PDE9A: variants seen among roughly 807,000 people sequenced by gnomAD.
PDE9A encodes high affinity cGMP-specific 3',5'-cyclic phosphodiesterase 9A.
PDE9A carries 60 observed loss-of-function variants against 87.4 expected under a neutral mutation model. That is an observed-to-expected ratio of 0.69 (90% CI 0.56 to 0.85). The LOEUF is 0.85. Ranked by LOEUF, PDE9A falls within the 40% of genes least tolerant of loss-of-function variation. The pLI, the probability that PDE9A is intolerant of heterozygous loss-of-function variation, is 0.00. For missense variants in PDE9A, 665 were observed against 779.0 expected (o/e 0.85, Z 1.74); for synonymous variants, 272 against 279.4 (o/e 0.97, Z 0.27).
rs1028324963 is a variant in PDE9A, at chr21:42,758,900, G to T, written c.811-99G>T. 7 of 863,548 alleles carry T rather than the reference G, an allele frequency of 8.1e-6. No homozygotes were observed. The South Asian group carries it at 8.8e-5, about 11-fold the overall frequency. The allele number at this position is 863,548 out of a possible 1,614,324, so 53.5% of individuals were successfully genotyped here. On this transcript the variant is annotated intron_variant, in intron 10 of 19. Coordinates refer to ENST00000291539, the MANE Select transcript of PDE9A (RefSeq NM_002606.3). ...GGGGAGAACCCACCTCCTGCCAACG[G>T]CCCTGCTGGCACTCCGAGGACAGCA...
At chr21:42,690,051 A>AGGTG in intron 3 of PDE9A, 1 of 985,402 alleles carries the variant, frequency 1.0e-6, no homozygotes, top group East Asian at 1.1e-4. Flanking sequence ...ATGAGGATAC[A>AGGTG]GATGGAGAAG....
chr21:42,655,182 G>A (rs1299280326), intron 1 of PDE9A, among the ~76,000 whole-genome samples: 1 of 151,900 alleles, frequency 6.6e-6, no homozygotes, highest in Non-Finnish European at 1.5e-5. Flanking sequence ...ATACACACAC[G>A]TGCACATGAG....
intron 1 of PDE9A, among the ~76,000 whole-genome samples, chr21:42,674,864 T>C (rs1308665668): frequency 6.6e-6 from 1 of 152,276 alleles, no homozygotes; most frequent in Non-Finnish European, 1.5e-5. Flanking sequence ...GAGAATTTTA[T>C]GTAAACGCAG....
rs2060041485 is a variant in PDE9A, at chr21:42,694,522, G to A, written c.219-4446G>A. On this transcript the variant is annotated intron_variant, in intron 3 of 19. Transcript: ENST00000291539. This position sits in a 1 kb window ranked among gnomAD's most constrained non-coding sequence, Gnocchi z 5.3. ...CTGATCAGAAGGGGTGATGCCGGTTGCACGGTCTCTTAGAGCTTAAAACTC... is the reference window on the plus strand; with the variant it reads ...CTGATCAGAAGGGGTGATGCCGGTTACACGGTCTCTTAGAGCTTAAAACTC... Among the ~76,000 whole-genome samples, 1 of 152,216 alleles carries A rather than the reference G, an allele frequency of 6.6e-6. No homozygotes were observed. The highest frequency in any genetic ancestry group is 6.5e-5 in the Admixed American group (1 of 15,282).
At chr21:42,663,003 C>T (rs960119439) in intron 1 of PDE9A, among the ~76,000 whole-genome samples, 14 of 149,406 alleles carry the variant, frequency 9.4e-5, no homozygotes, top group African/African-American at 1.5e-4. Flanking sequence ...ACCACACACA[C>T]GCACACCACA....
chr21:42,772,605 C>G, intron 19 of PDE9A, 85 bp downstream of exon 19: 1 of 965,082 alleles, frequency 1.0e-6, no homozygotes, highest in Non-Finnish European at 1.6e-6. Context: ...GGGAGAAAAT[C>G]TGAATTTTGG....
rs369085798 is a variant in PDE9A, at chr21:42,662,615, A to ACACACAC, written c.69+8747_69+8753dup. Among the ~76,000 whole-genome samples the ACACACAC allele has an allele frequency of 1.2e-4, 17 of 144,660 alleles. No homozygotes were observed. In the East Asian group the frequency reaches 2.2e-3, roughly 19 times the overall value. The allele number at this position is 144,660 out of a possible 152,430, so 94.9% of individuals were successfully genotyped here. ...CACATCATACACATGCACACACACCACACACACCACACACCACACACACGC... is the reference window on the plus strand; with the variant it reads ...CACATCATACACATGCACACACACCACACACACCACACACCACACACCACACACACGC... On this transcript the variant is annotated intron_variant, in intron 1 of 19. Transcript: ENST00000291539.
intron 1 of PDE9A, among the ~76,000 whole-genome samples, chr21:42,670,244 T>TTC (rs540558973): frequency 0.24 from 35,023 of 146,874 alleles, 4,086 homozygotes; most frequent in East Asian, 0.38. Context: ...TTCACACTCA[T>TTC]ACACATACAT....
intron 13 of PDE9A, 119 bp from the exon 14 acceptor site, chr21:42,761,964 C>A: frequency 9.9e-7 from 1 of 1,011,844 alleles, no homozygotes; most frequent in Non-Finnish European, 1.4e-6. Context: ...GCTCCCCCAG[C>A]CCCCACGGCA....
chr21:42,697,633 G>T (rs986431456), intron 3 of PDE9A: 20 of 689,356 alleles, frequency 2.9e-5, no homozygotes, highest in Middle Eastern at 2.8e-4. Context: ...GGCAGGTTCT[G>T]TTCCTGGGGA....
At chr21:42,717,922 T>TTTG (rs1369484177) in intron 4 of PDE9A, among the ~76,000 whole-genome samples, 2 of 111,896 alleles carry the variant, frequency 1.8e-5, no homozygotes, top group Non-Finnish European at 3.7e-5. Context: ...TGTTTGTTTG[T>TTTG]TTTGTTTTGT....
At position 42,739,179 on chromosome 21, in the gene PDE9A, C is replaced by T. The variant is rs1480276252; in HGVS notation, c.569-4597C>T. 6.6e-6 allele frequency among the ~76,000 whole-genome samples: 1 copy of T among 152,228 alleles called. No homozygotes were observed. The highest frequency in any genetic ancestry group is 1.5e-5 in the Non-Finnish European group (1 of 68,032). ...TTTGTGGTGCGTGGTCTGTGCCCGC[C>T]TGTGTTCAGCGTTTGAAGGCAGAGG... On this transcript the variant is annotated intron_variant, in intron 7 of 19. Transcript: ENST00000291539. This position sits in a 1 kb window ranked among gnomAD's most constrained non-coding sequence, Gnocchi z 4.1.
intron 4 of PDE9A, among the ~76,000 whole-genome samples, chr21:42,710,846 G>C (rs907827004): frequency 6.6e-6 from 1 of 152,110 alleles, no homozygotes; most frequent in African/African-American, 2.4e-5. Context: ...AAATTAGCTG[G>C]GTGTGGTGGC....
At position 42,692,806 on chromosome 21, in the gene PDE9A, G is replaced by T. The variant is rs1262021878; in HGVS notation, c.218+4812G>T. On this transcript the variant is annotated intron_variant, in intron 3 of 19. Coordinates refer to ENST00000291539, the MANE Select transcript of PDE9A (RefSeq NM_002606.3). This position sits in a 1 kb window ranked among gnomAD's most constrained non-coding sequence, Gnocchi z 4.3. ...TCTCCCCTCTTCCTCTCCTCCACTC[G>T]GTGCCTGGTGACATGCGGCCATCCT... 6.6e-6 allele frequency among the ~76,000 whole-genome samples: 1 copy of T among 152,046 alleles called. No individual in the cohort carries two copies. The highest frequency in any genetic ancestry group is 1.9e-4 in the East Asian group (1 of 5,176).
chr21:42,762,458 G>C (rs2055900259), intron 14 of PDE9A, among the ~76,000 whole-genome samples: 1 of 152,220 alleles, frequency 6.6e-6, no homozygotes, highest in South Asian at 2.1e-4. Flanking sequence ...CCACTGACCT[G>C]CACTTCCCAG....
intron 14 of PDE9A, 70 bp from the exon 15 acceptor site, chr21:42,765,311 C>T: frequency 1.2e-6 from 1 of 823,040 alleles, no homozygotes; most frequent in Non-Finnish European, 2.0e-6. Flanking sequence ...GGGCTCAGTA[C>T]ACAGTAGGCC....
chr21:42,752,283 T>G (rs2054519323), intron 9 of PDE9A, among the ~76,000 whole-genome samples: 1 of 152,130 alleles, frequency 6.6e-6, no homozygotes, highest in Admixed American at 6.5e-5. Context: ...TTTTGTTTTT[T>G]TCTTTTGATA....
intron 1 of PDE9A, among the ~76,000 whole-genome samples, chr21:42,654,243 G>T (rs575839739): frequency 6.6e-6 from 1 of 152,286 alleles, no homozygotes; most frequent in Admixed American, 6.5e-5. Flanking sequence ...CGGAGGGGGC[G>T]AGCAGCCGCC....
chr21:42,725,244 GTTT>G (rs563851675), intron 4 of PDE9A, among the ~76,000 whole-genome samples: 1 of 147,672 alleles, frequency 6.8e-6, no homozygotes, highest in Admixed American at 6.8e-5. Context: ...TTTTGTTTTT[GTTT>G]TTTTTTTGAG....
Sources: allele counts gnomAD v4.1 joint callset (sites outside exome capture counted in the v4.1 genomes callset), GRCh38; gene constraint gnomAD v4.1.1; non-coding constraint Gnocchi (gnomAD v3.1); transcripts MANE v1.5; gene names NCBI Gene and HGNC (gene_info 2026-07-23, HGNC 2026-07-21).